The following ERN1 variants were observed in gnomAD, a reference collection of about 807,000 sequenced individuals.
ERN1 encodes the protein endoplasmic reticulum to nucleus signaling 1, also known as serine/threonine-protein kinase/endoribonuclease IRE1.
ERN1 carries 39 observed loss-of-function variants against 113.1 expected under a neutral mutation model. That is an observed-to-expected ratio of 0.34 (90% confidence interval 0.27 to 0.45). The LOEUF (loss-of-function observed/expected upper bound fraction) is 0.45, where lower values mean the gene tolerates loss of function less well. ERN1 is among the 20% of genes least tolerant of loss of function. The pLI, the probability that ERN1 is intolerant of heterozygous loss-of-function variation, is 1.00. For missense variants in ERN1, 976 were observed against 1,274.8 expected (o/e 0.77, Z 3.57); for synonymous variants, 507 against 515.9 (o/e 0.98, Z 0.23).
At chr17:64,091,504 T>C (rs1300437691) in intron 2 of ERN1, among the ~76,000 whole-genome samples, 1 of 151,898 alleles carries the variant, frequency 6.6e-6, no homozygotes, top group Non-Finnish European at 1.5e-5. Context: ...AGAACAAAAA[T>C]TTACAACACA....
chr17:64,045,470 T>C lies in ERN1; in HGVS notation c.2542A>G (p.Arg848Gly), dbSNP rs1467786469. 1 of 1,613,966 alleles carries C rather than the reference T, an allele frequency of 6.2e-7. No individual in the cohort carries two copies. ...QLQFFQDVSD[R>G]IEKESLDGPI... ...CCATCCAGGGATTCCTTTTCTATTCTGTCGCTCACGTCCTGTGAGAGAAAC... is the reference window on the plus strand; with the variant it reads ...CCATCCAGGGATTCCTTTTCTATTCCGTCGCTCACGTCCTGTGAGAGAAAC... Residue 848 changes from arginine (R) to glycine (G), a missense_variant, in exon 20 of 22, where the codon AGA becomes GGA. By Grantham distance (125) the Arg-to-Gly change is moderately radical (BLOSUM62 -2). Transcript: ENST00000433197.
chr17:64,060,642 C>G, intron 10 of ERN1, 55 bp from the exon 11 acceptor site: 2 of 1,329,720 alleles, frequency 1.5e-6, no homozygotes, highest in Non-Finnish European at 2.2e-6. Flanking sequence ...TGTGGTGGCA[C>G]TCAATGCTAA....
chr17:64,068,114 A>G, intron 7 of ERN1, 76 bp downstream of exon 7: 1 of 1,004,728 alleles, frequency 1.0e-6, no homozygotes, highest in Non-Finnish European at 1.5e-6. Context: ...AGAAAATCCT[A>G]CTTTCTGGAG....
At chr17:64,110,997 G>C (rs903324855) in intron 1 of ERN1, among the ~76,000 whole-genome samples, 4 of 152,098 alleles carry the variant, frequency 2.6e-5, no homozygotes, top group Non-Finnish European at 5.9e-5. Flanking sequence ...AACAGAAGCA[G>C]GAAAGAATTA....
At chr17:64,065,979 A>C (rs1435130291) in intron 8 of ERN1, among the ~76,000 whole-genome samples, 3 of 152,088 alleles carry the variant, frequency 2.0e-5, no homozygotes, top group Non-Finnish European at 4.4e-5. Context: ...AATACCTTAC[A>C]TTTGAATGCT....
Position 64,059,108 on chromosome 17 carries a change from G to T in ERN1, c.1207-1115C>A, listed in dbSNP as rs116433355. Among the ~76,000 whole-genome samples the T allele has an allele frequency of 6.5e-3, 995 of 152,322 alleles. 9 individuals carry two copies. Among genetic ancestry groups the T allele is most frequent in the African/African-American group, 0.023 (958 of 41,570 alleles). On this transcript the variant is annotated intron_variant, in intron 11 of 21. Transcript: ENST00000433197. ...CACTGTCTTATTTTCTTCTGTATGT[G>T]TTTATTTTCTAAGTGTTCAATAATG...
chr17:64,079,074 G>A (rs2143407917), intron 4 of ERN1, among the ~76,000 whole-genome samples: 1 of 152,312 alleles, frequency 6.6e-6, no homozygotes, highest in South Asian at 2.1e-4. Context: ...ATGACCATAT[G>A]TGTGGGCCTG....
At chr17:64,128,007 CTT>C (rs538770412) in intron 1 of ERN1, among the ~76,000 whole-genome samples, 2 of 144,100 alleles carry the variant, frequency 1.4e-5, no homozygotes, top group African/African-American at 5.1e-5. Flanking sequence ...TCTGACCTTT[CTT>C]TTTTTTTTTT....
At chr17:64,080,885 G>A in intron 2 of ERN1, 77 bp from the exon 3 acceptor site, 2 of 1,459,006 alleles carry the variant, frequency 1.4e-6, no homozygotes, top group Admixed American at 1.9e-5. Context: ...CCAGGACCAG[G>A]CCAAGTTGTA....
chr17:64,108,682 TA>T (rs1405203892), intron 1 of ERN1, among the ~76,000 whole-genome samples: 1 of 152,218 alleles, frequency 6.6e-6, no homozygotes, highest in Non-Finnish European at 1.5e-5. Context: ...CGTATCAGGC[TA>T]ATTTACTTTA....
intron 1 of ERN1, chr17:64,129,636 C>T: frequency 2.7e-6 from 1 of 369,364 alleles, no homozygotes; most frequent in Non-Finnish European, 4.8e-6. Flanking sequence ...CTCCTCAGGC[C>T]GGGGCCTTCT....
rs201476959 is a variant in ERN1 at position 64,098,103 on chromosome 17, G to C, written c.175+18C>G. On this transcript the variant is annotated intron_variant, in intron 2 of 21. Coordinates refer to ENST00000433197, the MANE Select transcript of ERN1 (RefSeq NM_001433.5). ...TTAAGCAAATGTCCATGTCGCCCAA[G>C]GACCAAATCCAAATTACCTTCTTTT... 6.2e-7 allele frequency: 1 copy of C among 1,613,522 alleles called. No individual in the cohort carries two copies. The highest frequency in any genetic ancestry group is 1.3e-5 in the African/African-American group (1 of 74,994).
intron 19 of ERN1, among the ~76,000 whole-genome samples, chr17:64,045,911 G>A (rs1249946704): frequency 1.3e-5 from 2 of 152,150 alleles, no homozygotes; most frequent in African/African-American, 4.8e-5. Flanking sequence ...CTGGTGGAGG[G>A]TCGCCACTCT....
intron 1 of ERN1, among the ~76,000 whole-genome samples, chr17:64,123,672 T>A (rs1352868147): frequency 6.6e-6 from 1 of 152,090 alleles, no homozygotes; most frequent in South Asian, 2.1e-4. Context: ...TAGGAATCTA[T>A]CTCCAGGAAA....
chr17:64,125,473 A>G (rs1267759176), intron 1 of ERN1, among the ~76,000 whole-genome samples: 1 of 152,096 alleles, frequency 6.6e-6, no homozygotes, highest in Non-Finnish European at 1.5e-5. Flanking sequence ...TGGGCACAGA[A>G]GCTCAATGTT....
At chr17:64,064,692 C>T (rs1041833983) in intron 9 of ERN1, among the ~76,000 whole-genome samples, 2 of 152,130 alleles carry the variant, frequency 1.3e-5, no homozygotes, top group African/African-American at 4.8e-5. Context: ...AGACAGAATG[C>T]TTGAGGCAGG....
intron 17 of ERN1, among the ~76,000 whole-genome samples, chr17:64,050,603 A>C (rs1598045239): frequency 6.6e-6 from 1 of 152,182 alleles, no homozygotes; most frequent in East Asian, 1.9e-4. Flanking sequence ...TCTGCTCTCA[A>C]ATCGCTTAGG....
rs1179518698 is a variant in ERN1, at chr17:64,075,253, A to AAG, written c.283-7_283-6insCT. ...GGGATGGTAAAAGGAAGTTTCTTTAAAAAAAAAAAAAAAGAAAAAAAAAAG... is the reference window on the plus strand; with the variant it reads ...GGGATGGTAAAAGGAAGTTTCTTTAAAGAAAAAAAAAAAAAGAAAAAAAAAAG... On this transcript the variant is annotated splice_polypyrimidine_tract_variant and splice_region_variant and intron_variant, in intron 4 of 21. Transcript: ENST00000433197. The AAG allele has an allele frequency of 3.5e-6, 5 of 1,431,602 alleles. No individual in the cohort carries two copies. In the African/African-American group the frequency reaches 8.0e-5, roughly 23 times the overall value. 88.7% of individuals were successfully genotyped at this position (1,431,602 alleles called of 1,614,324 possible).
rs1288776264 is a variant in ERN1, at chr17:64,077,115, G to C, written c.283-1868C>G. ...TGGAGAGAAACCAACGGAGAGCAGT[G>C]TTGAAGGTGAAATACACACAGCTCT... On this transcript the variant is annotated intron_variant, in intron 4 of 21. Coordinates refer to ENST00000433197, the MANE Select transcript of ERN1 (RefSeq NM_001433.5). 3.3e-5 allele frequency among the ~76,000 whole-genome samples: 5 copies of C among 152,202 alleles called. 1 individual carries two copies. The highest frequency in any genetic ancestry group is 4.1e-4 in the South Asian group (2 of 4,830).
Sources: gnomAD v4.1 joint callset for allele counts (sites outside exome capture counted in the v4.1 genomes callset) on GRCh38, gnomAD v4.1.1 for gene constraint, MANE v1.5 for transcripts, NCBI Gene and HGNC (gene_info 2026-07-23, HGNC 2026-07-21) for gene names.